Variants in RERE observed in about 807,000 individuals in gnomAD.
RERE encodes the protein arginine-glutamic acid dipeptide repeats protein.
Under a neutral mutation model 146.1 loss-of-function variants are expected in RERE, and 40 were observed. The observed-to-expected ratio is 0.27, with a 90% CI of 0.21 to 0.36. RERE has a LOEUF of 0.36. Among genes scored for constraint, RERE ranks in the 10% least tolerant of loss-of-function variants. The pLI, the probability that RERE is intolerant of heterozygous loss-of-function variation, is 1.00. For synonymous variants in RERE, 1,003 were observed against 866.0 expected, an observed-to-expected ratio of 1.16 and a Z score of -2.78; for missense variants, 1,933 against 2,138.7, an observed-to-expected ratio of 0.90 and a Z score of 1.90.
chr1:8,508,476 G>C (rs1645286792), intron 8 of RERE, 151 bp downstream of exon 8: 1 of 621,340 alleles, frequency 1.6e-6, no homozygotes, highest in Admixed American at 3.0e-5. Flanking sequence ...TGTATGTGGT[G>C]ATCTGAGGAG....
chr1:8,595,158 CAAAA>C (rs1050957833), intron 4 of RERE, among the ~76,000 whole-genome samples: 2 of 66,358 alleles, frequency 3.0e-5, no homozygotes, highest in Non-Finnish European at 3.2e-5. Flanking sequence ...AGACCGTGTC[CAAAA>C]AAAAAAAAAA....
intron 1 of RERE, among the ~76,000 whole-genome samples, chr1:8,681,876 C>G (rs1386399322): frequency 6.6e-6 from 1 of 152,088 alleles, no homozygotes; most frequent in Non-Finnish European, 1.5e-5. Flanking sequence ...TCTTTTATAT[C>G]CTAATATTCA....
chr1:8,790,905 G>A (rs1012130472), intron 1 of RERE, among the ~76,000 whole-genome samples: 2 of 152,154 alleles, frequency 1.3e-5, no homozygotes, highest in Non-Finnish European at 2.9e-5. Context: ...CTTCTTTAGG[G>A]AGACAGGGTG....
intron 8 of RERE, 40 bp from the exon 9 acceptor site, chr1:8,497,569 A>G (rs1645062055): frequency 1.2e-6 from 2 of 1,610,238 alleles, no homozygotes; most frequent in Non-Finnish European, 1.7e-6. Flanking sequence ...CAAGGCATGT[A>G]TTAATTATAA....
At chr1:8,393,495 C>T (rs1013093271) in intron 12 of RERE, among the ~76,000 whole-genome samples, 1 of 152,112 alleles carries the variant, frequency 6.6e-6, no homozygotes, top group African/African-American at 2.4e-5. Flanking sequence ...TGAGCACTCC[C>T]CCTTTCCAAG....
chr1:8,738,957 A>C (rs1640255763), intron 1 of RERE, among the ~76,000 whole-genome samples: 1 of 152,164 alleles, frequency 6.6e-6, no homozygotes, highest in Non-Finnish European at 1.5e-5. Context: ...AAAATTGGTC[A>C]TGTCCCAAAC....
At chr1:8,699,488 T>C (rs1639401877) in intron 1 of RERE, among the ~76,000 whole-genome samples, 1 of 152,246 alleles carries the variant, frequency 6.6e-6, no homozygotes, top group African/African-American at 2.4e-5. Context: ...GTATGTCAAC[T>C]ATTTCATGGA....
chr1:8,675,853 T>C (rs1470757023), intron 1 of RERE, among the ~76,000 whole-genome samples: 1 of 152,142 alleles, frequency 6.6e-6, no homozygotes, highest in Admixed American at 6.6e-5. Context: ...TATTTTCAGA[T>C]TTTGGAATAC....
At chr1:8,576,236 T>C (rs192754377) in intron 4 of RERE, among the ~76,000 whole-genome samples, 78 of 152,140 alleles carry the variant, frequency 5.1e-4, no homozygotes, top group East Asian at 3.7e-3. Context: ...AAAAGTTCTC[T>C]GTGTTGTACC....
intron 11 of RERE, among the ~76,000 whole-genome samples, chr1:8,455,734 G>A (rs1332912726): frequency 3.3e-5 from 5 of 152,152 alleles, no homozygotes; most frequent in African/African-American, 4.8e-5. Flanking sequence ...TCCAGGTGCT[G>A]GGCCAGGTTC....
At chr1:8,524,808 G>A (rs568347249) in intron 7 of RERE, among the ~76,000 whole-genome samples, 10 of 152,252 alleles carry the variant, frequency 6.6e-5, no homozygotes, top group African/African-American at 2.4e-4. Flanking sequence ...CACCCCAAAA[G>A]CACAACTTCC....
chr1:8,522,150 G>A (rs147877493), intron 7 of RERE, among the ~76,000 whole-genome samples: 3 of 152,314 alleles, frequency 2.0e-5, no homozygotes, highest in East Asian at 3.9e-4. Flanking sequence ...CACAGTTGCA[G>A]GAATACAGGC....
intron 2 of RERE, among the ~76,000 whole-genome samples, 153 bp downstream of exon 2, chr1:8,655,820 C>G (rs1157765053): frequency 6.6e-6 from 1 of 152,076 alleles, no homozygotes; most frequent in Admixed American, 6.5e-5. Context: ...CCTAACTGAC[C>G]AAAAGTGGGT....
chr1:8,565,759 T>C (rs1017930760), intron 4 of RERE, among the ~76,000 whole-genome samples: 1 of 152,086 alleles, frequency 6.6e-6, no homozygotes, highest in Non-Finnish European at 1.5e-5. Flanking sequence ...TATCTATATA[T>C]ATTATCCATA....
At chr1:8,371,589 C>A (rs1642039444) in intron 12 of RERE, among the ~76,000 whole-genome samples, 1 of 152,184 alleles carries the variant, frequency 6.6e-6, no homozygotes, top group Admixed American at 6.5e-5. Context: ...CATCCAGGGG[C>A]CTGCTGGGCT....
At chr1:8,695,519 G>C (rs554809169) in intron 1 of RERE, among the ~76,000 whole-genome samples, 8 of 151,280 alleles carry the variant, frequency 5.3e-5, no homozygotes, top group East Asian at 1.9e-4. Context: ...GGAGGCCCAG[G>C]GGGGCGGATC....
At chr1:8,583,196 T>C (rs888865513) in intron 4 of RERE, among the ~76,000 whole-genome samples, 17 of 152,188 alleles carry the variant, frequency 1.1e-4, no homozygotes, top group Admixed American at 7.2e-4. Context: ...GATGGTAGCA[T>C]TGGCAGCATA....
intron 1 of RERE, among the ~76,000 whole-genome samples, chr1:8,680,086 G>A (rs1638929602): frequency 6.6e-6 from 1 of 152,072 alleles, no homozygotes; most frequent in African/African-American, 2.4e-5. Context: ...AGCGGGTAGG[G>A]GTGCAAGAGA....
chr1:8,397,955 T>C (rs182629673), intron 12 of RERE, among the ~76,000 whole-genome samples: 1 of 152,346 alleles, frequency 6.6e-6, no homozygotes, highest in Non-Finnish European at 1.5e-5. Flanking sequence ...ATAATGTGAG[T>C]AAGACAGTCC....
Sources: allele counts gnomAD v4.1 joint callset (sites outside exome capture counted in the v4.1 genomes callset), GRCh38; gene constraint gnomAD v4.1.1; transcripts MANE v1.5; gene names NCBI Gene and HGNC (gene_info 2026-07-23, HGNC 2026-07-21).